The following MAPK10 variants were observed in gnomAD, a reference collection of about 807,000 sequenced individuals.
MAPK10 encodes the protein JNK3 alpha protein kinase.
A neutral mutation model predicts 59.3 loss-of-function variants in MAPK10; 25 were observed. The observed-to-expected ratio is 0.42, with a 90% CI of 0.31 to 0.59. MAPK10 has a LOEUF of 0.59. Among genes scored for constraint, MAPK10 ranks in the 20% least tolerant of loss-of-function variants. The pLI is 0.15. For synonymous variants in MAPK10, 190 were observed against 200.5 expected (o/e 0.95, Z 0.44); for missense variants, 351 against 568.9 (o/e 0.62, Z 3.90).
chr4:86,255,245 C>T, intron 2 of MAPK10, among the ~76,000 whole-genome samples: 1 of 151,990 alleles, frequency 6.6e-6, no homozygotes, highest in Non-Finnish European at 1.5e-5. Flanking sequence ...ACGGTGGGTT[C>T]TAAAATAAAC....
At chr4:86,557,938 T>C (rs995462514) in intron 1 of MAPK10, among the ~76,000 whole-genome samples, 1 of 152,138 alleles carries the variant, frequency 6.6e-6, no homozygotes, top group African/African-American at 2.4e-5. Flanking sequence ...AATATCTTTA[T>C]TCTAAACTGA....
At chr4:86,496,466 G>A (rs1754878918) in intron 1 of MAPK10, among the ~76,000 whole-genome samples, 1 of 151,902 alleles carries the variant, frequency 6.6e-6, no homozygotes, top group Non-Finnish European at 1.5e-5. Flanking sequence ...TTTGTATTTG[G>A]AATCTGCCTA....
At chr4:86,545,114 T>C (rs1416696251) in intron 1 of MAPK10, among the ~76,000 whole-genome samples, 1 of 152,202 alleles carries the variant, frequency 6.6e-6, no homozygotes, top group Non-Finnish European at 1.5e-5. Context: ...CTCACGTGTG[T>C]ATCAACAAGG....
chr4:86,177,461 A>G (rs1456919382), intron 3 of MAPK10, among the ~76,000 whole-genome samples: 1 of 152,118 alleles, frequency 6.6e-6, no homozygotes. Context: ...TTAATTGGAT[A>G]TTTTCAAAGT....
chr4:86,052,483 A>T (rs2043754406), intron 11 of MAPK10, among the ~76,000 whole-genome samples: 1 of 152,050 alleles, frequency 6.6e-6, no homozygotes, highest in Non-Finnish European at 1.5e-5. Flanking sequence ...TTGATAGAAA[A>T]TTTTGGGATG....
At chr4:86,079,113 A>T (rs1715001809) in intron 9 of MAPK10, among the ~76,000 whole-genome samples, 1 of 152,220 alleles carries the variant, frequency 6.6e-6, no homozygotes, top group Non-Finnish European at 1.5e-5. Context: ...GTGACTTAAT[A>T]AACAATTGTA....
intron 12 of MAPK10, 25 bp downstream of exon 12, chr4:86,031,343 A>G (rs2038971156): frequency 2.6e-6 from 4 of 1,517,634 alleles, no homozygotes; most frequent in Middle Eastern, 1.7e-4. Flanking sequence ...AATAAAAAGT[A>G]TACTTTTTTA....
intron 9 of MAPK10, among the ~76,000 whole-genome samples, chr4:86,068,324 G>A (rs1242845655): frequency 6.6e-6 from 1 of 151,966 alleles, no homozygotes; most frequent in African/African-American, 2.4e-5. Context: ...ACACATCATA[G>A]TGACATTTTT....
intron 2 of MAPK10, among the ~76,000 whole-genome samples, chr4:86,224,183 C>T (rs572222347): frequency 2.6e-5 from 4 of 152,080 alleles, no homozygotes; most frequent in Non-Finnish European, 5.9e-5. Context: ...TTATTTAATG[C>T]ATACTATGGG....
intron 9 of MAPK10, among the ~76,000 whole-genome samples, chr4:86,084,653 T>C (rs777165046): frequency 3.9e-5 from 6 of 151,924 alleles, no homozygotes; most frequent in Admixed American, 6.6e-5. Flanking sequence ...AAAACCAATA[T>C]TGTTAAAATG....
At chr4:86,087,243 C>T (rs1169525047) in intron 9 of MAPK10, among the ~76,000 whole-genome samples, 4 of 152,282 alleles carry the variant, frequency 2.6e-5, no homozygotes, top group Admixed American at 6.5e-5. Flanking sequence ...TTTTAATTTA[C>T]AGGTGGCAAA....
At chr4:86,053,930 G>A (rs1178530783) in intron 11 of MAPK10, among the ~76,000 whole-genome samples, 1 of 152,152 alleles carries the variant, frequency 6.6e-6, no homozygotes, top group Non-Finnish European at 1.5e-5. Flanking sequence ...CAACAGGCAT[G>A]AAATGTTTTA....
intron 1 of MAPK10, among the ~76,000 whole-genome samples, chr4:86,397,876 A>C (rs886077721): frequency 6.6e-5 from 10 of 151,204 alleles, no homozygotes; most frequent in Admixed American, 3.3e-4. Context: ...AAAAAAAAAA[A>C]AAAAAAAAAA....
intron 10 of MAPK10, among the ~76,000 whole-genome samples, chr4:86,066,744 C>A: frequency 9.8e-6 from 1 of 102,318 alleles, no homozygotes; most frequent in East Asian, 2.9e-4. Context: ...CAGAGCGAGA[C>A]TCTGTCTCAA....
chr4:86,018,932 G>A (rs1744828262), intron 13 of MAPK10, among the ~76,000 whole-genome samples: 3 of 152,144 alleles, frequency 2.0e-5, no homozygotes, highest in Non-Finnish European at 2.9e-5. Context: ...GAAGGGGAGT[G>A]GTTAACATAA....
intron 1 of MAPK10, among the ~76,000 whole-genome samples, chr4:86,518,360 G>C (rs1579459079): frequency 6.6e-6 from 1 of 152,276 alleles, no homozygotes; most frequent in East Asian, 1.9e-4. Flanking sequence ...TATATTTCCG[G>C]GAATTTATCC....
At chr4:86,131,411 T>C (rs2060983508) in intron 4 of MAPK10, among the ~76,000 whole-genome samples, 1 of 152,146 alleles carries the variant, frequency 6.6e-6, no homozygotes, top group Non-Finnish European at 1.5e-5. Flanking sequence ...ACCCAAACTG[T>C]ATTTCGAGAT....
intron 4 of MAPK10, among the ~76,000 whole-genome samples, chr4:86,141,750 C>G (rs1399512373): frequency 6.6e-6 from 1 of 152,060 alleles, no homozygotes; most frequent in Non-Finnish European, 1.5e-5. Context: ...GTGCTAAAGG[C>G]TAGAATTTTA....
upstream of MAPK10, among the ~76,000 whole-genome samples, chr4:86,361,738 T>C (rs1414771372): frequency 6.6e-6 from 1 of 152,056 alleles, no homozygotes; most frequent in Non-Finnish European, 1.5e-5. Context: ...TGCAACAACA[T>C]AGATGAACCT....
Sources: gnomAD v4.1 joint callset for allele counts (sites outside exome capture counted in the v4.1 genomes callset) on GRCh38, gnomAD v4.1.1 for gene constraint, MANE v1.5 for transcripts, NCBI Gene and HGNC (gene_info 2026-07-23, HGNC 2026-07-21) for gene names.